JARID2: variants seen among roughly 807,000 people sequenced by gnomAD.
The protein encoded by JARID2 is protein Jumonji.
In JARID2, 21 loss-of-function variants were observed where a neutral mutation model predicts 125.6. The observed-to-expected ratio is 0.17, with a 90% CI of 0.12 to 0.24. The LOEUF is 0.24. Among genes scored for constraint, JARID2 ranks in the 10% least tolerant of loss-of-function variants. The pLI is 1.00. For synonymous variants in JARID2, 736 were observed against 661.6 expected (o/e 1.11, Z -1.73); for missense variants, 1,303 against 1,639.6 (o/e 0.79, Z 3.55).
chr6:15,359,359 C>T (rs1033226710), intron 1 of JARID2, among the ~76,000 whole-genome samples: 1 of 152,192 alleles, frequency 6.6e-6, no homozygotes, highest in Non-Finnish European at 1.5e-5. Flanking sequence ...GATGTGGCAT[C>T]CAGAGGTTGC....
chr6:15,329,818 C>T (rs925959088), intron 1 of JARID2, among the ~76,000 whole-genome samples: 2 of 152,156 alleles, frequency 1.3e-5, no homozygotes, highest in Non-Finnish European at 2.9e-5. Context: ...CAAATATTGT[C>T]TATTTTTTGG....
chr6:15,283,563 C>T (rs889243343), intron 1 of JARID2, among the ~76,000 whole-genome samples: 73 of 151,084 alleles, frequency 4.8e-4, no homozygotes, highest in Admixed American at 1.9e-3. Flanking sequence ...AGGACGGTCT[C>T]GATCTGCCGA....
At chr6:15,356,441 C>G (rs1282661966) in intron 1 of JARID2, among the ~76,000 whole-genome samples, 1 of 152,102 alleles carries the variant, frequency 6.6e-6, no homozygotes, top group East Asian at 1.9e-4. Flanking sequence ...TTATTATAGT[C>G]ATTCTAGTGG....
At position 15,459,338 on chromosome 6, in the gene JARID2, A is replaced by G. The variant is rs182382185; in HGVS notation, c.493+7163A>G. On this transcript the variant is annotated intron_variant, in intron 4 of 17. Transcript: ENST00000341776. The stretch of plus-strand genomic sequence containing the variant: ...ATGCACATCCTCCTGTATACTTTAA[A>G]TCATCTCTTGATTACTTATAATACC... Among the ~76,000 whole-genome samples the G allele has an allele frequency of 3.9e-4, 59 of 152,354 alleles. No homozygotes were observed. In the East Asian group the frequency reaches 0.01, roughly 26 times the overall value.
At chr6:15,307,482 G>A (rs1411721596) in intron 1 of JARID2, among the ~76,000 whole-genome samples, 4 of 152,254 alleles carry the variant, frequency 2.6e-5, no homozygotes, top group East Asian at 3.9e-4. Flanking sequence ...GACTCCCAAA[G>A]TTCTGGGATT....
At chr6:15,379,356 T>G (rs1561824287) in intron 2 of JARID2, among the ~76,000 whole-genome samples, 1 of 152,164 alleles carries the variant, frequency 6.6e-6, no homozygotes, top group Admixed American at 6.5e-5. Context: ...CCACTTTTCA[T>G]GGATGTAATA....
intron 3 of JARID2, among the ~76,000 whole-genome samples, chr6:15,423,713 A>T (rs1228349071): frequency 6.6e-6 from 1 of 152,118 alleles, no homozygotes; most frequent in Non-Finnish European, 1.5e-5. Context: ...TATCCTTGGT[A>T]TGGGATATCT....
intron 2 of JARID2, among the ~76,000 whole-genome samples, chr6:15,376,900 C>G (rs1186493578): frequency 6.6e-6 from 1 of 152,178 alleles, no homozygotes; most frequent in Admixed American, 6.5e-5. Flanking sequence ...GCAACCAAGA[C>G]TTTAGGGCTG....
chr6:15,498,819 C>G (rs2237116), intron 7 of JARID2, among the ~76,000 whole-genome samples: 2 of 152,028 alleles, frequency 1.3e-5, no homozygotes, highest in Non-Finnish European at 2.9e-5. Flanking sequence ...ACGCGTGCAC[C>G]CACGCCCGCT....
At chr6:15,297,124 G>A (rs1363705257) in intron 1 of JARID2, among the ~76,000 whole-genome samples, 1 of 152,116 alleles carries the variant, frequency 6.6e-6, no homozygotes, top group African/African-American at 2.4e-5. Flanking sequence ...GTCATTCATT[G>A]ACTGCTTATC....
chr6:15,265,407 G>C (rs2127339159), intron 1 of JARID2, among the ~76,000 whole-genome samples: 1 of 151,890 alleles, frequency 6.6e-6, no homozygotes, highest in South Asian at 2.1e-4. Context: ...GTCATTTAGA[G>C]TTCCATAAGT....
intron 1 of JARID2, among the ~76,000 whole-genome samples, chr6:15,341,602 T>C (rs1032836599): frequency 1.3e-5 from 2 of 152,234 alleles, no homozygotes; most frequent in African/African-American, 4.8e-5. Flanking sequence ...TATTTGTATA[T>C]AAAATTTCTT....
At chr6:15,382,743 A>G (rs1581482744) in intron 2 of JARID2, among the ~76,000 whole-genome samples, 1 of 152,244 alleles carries the variant, frequency 6.6e-6, no homozygotes, top group African/African-American at 2.4e-5. Context: ...CCTAGTAGGC[A>G]TGGCTGCTTG....
At chr6:15,486,598 C>T (rs1212061533) in intron 5 of JARID2, among the ~76,000 whole-genome samples, 3 of 152,206 alleles carry the variant, frequency 2.0e-5, no homozygotes, top group Non-Finnish European at 2.9e-5. Context: ...GTTCCCCTGG[C>T]TTATAGGAAG....
chr6:15,368,696 G>C, intron 1 of JARID2: 1 of 500,192 alleles, frequency 2.0e-6, no homozygotes, highest in South Asian at 1.5e-5. Flanking sequence ...TGTGCTCTTT[G>C]ATCACTGAAG....
intron 1 of JARID2, among the ~76,000 whole-genome samples, chr6:15,253,603 C>T (rs1053858598): frequency 2.0e-5 from 3 of 152,048 alleles, no homozygotes; most frequent in African/African-American, 7.2e-5. Flanking sequence ...GCTCGACTAC[C>T]ACTCTGGGTT....
At chr6:15,347,074 A>G (rs565370784) in intron 1 of JARID2, among the ~76,000 whole-genome samples, 1 of 152,282 alleles carries the variant, frequency 6.6e-6, no homozygotes, top group Admixed American at 6.5e-5. Flanking sequence ...AGATAGGTAG[A>G]CTGTTTTCTT....
At chr6:15,516,341 G>T (rs562897576) in intron 16 of JARID2, among the ~76,000 whole-genome samples, 1 of 152,248 alleles carries the variant, frequency 6.6e-6, no homozygotes, top group Non-Finnish European at 1.5e-5. Flanking sequence ...AATAGGACTT[G>T]GAGTCAGCGT....
At chr6:15,486,922 C>A (rs1272261610) in intron 5 of JARID2, among the ~76,000 whole-genome samples, 1 of 147,436 alleles carries the variant, frequency 6.8e-6, no homozygotes, top group Non-Finnish European at 1.5e-5. Context: ...AAAGATACTA[C>A]CTGAGACTGG....
Sources: allele counts gnomAD v4.1 joint callset (sites outside exome capture counted in the v4.1 genomes callset), GRCh38; gene constraint gnomAD v4.1.1; transcripts MANE v1.5; gene names NCBI Gene and HGNC (gene_info 2026-07-23, HGNC 2026-07-21).